CPNE9: variants seen among roughly 807,000 people sequenced by gnomAD.
CPNE9 encodes copine-9.
Under a neutral mutation model 83.0 loss-of-function variants are expected in CPNE9, and 59 were observed. The observed-to-expected ratio is 0.71, with a 90% CI of 0.58 to 0.88. The LOEUF (loss-of-function observed/expected upper bound fraction) is 0.88, where lower values mean the gene tolerates loss of function less well. CPNE9 is among the 40% of genes least tolerant of loss of function. CPNE9 has a pLI of 0.00. For synonymous variants in CPNE9, 256 were observed against 273.4 expected (o/e 0.94, Z 0.63); for missense variants, 619 against 720.8 (o/e 0.86, Z 1.62).
At chr3:9,710,793 G>C (rs2076619281) in intron 7 of CPNE9, among the ~76,000 whole-genome samples, 1 of 152,212 alleles carries the variant, frequency 6.6e-6, no homozygotes, top group African/African-American at 2.4e-5. Context: ...GGGAGGCTGA[G>C]GCAGGAGGAT....
intron 11 of CPNE9, 58 bp downstream of exon 11, chr3:9,715,013 T>C: frequency 6.7e-7 from 1 of 1,497,118 alleles, no homozygotes; most frequent in Non-Finnish European, 9.2e-7. Flanking sequence ...TTCTCAATAA[T>C]ATGTTGTACA....
At chr3:9,727,944 G>C (rs953301128) in intron 20 of CPNE9, among the ~76,000 whole-genome samples, 3 of 152,144 alleles carry the variant, frequency 2.0e-5, no homozygotes, top group Non-Finnish European at 2.9e-5. Flanking sequence ...TATTTAAGAA[G>C]AAAATTTTAC....
At chr3:9,720,365 G>A (rs895472527) in intron 17 of CPNE9, among the ~76,000 whole-genome samples, 2 of 151,912 alleles carry the variant, frequency 1.3e-5, no homozygotes, top group Non-Finnish European at 2.9e-5. Context: ...CCCTAGCGAA[G>A]ATTTGTTTTT....
At chr3:9,719,187 G>A (rs1023064591) in intron 17 of CPNE9, among the ~76,000 whole-genome samples, 5 of 152,012 alleles carry the variant, frequency 3.3e-5, no homozygotes, top group Non-Finnish European at 7.4e-5. Flanking sequence ...TATACAGGAC[G>A]ATGTGTATAG....
chr3:9,714,083 T>TAAAC (rs1055505045), intron 10 of CPNE9, among the ~76,000 whole-genome samples: 2 of 151,282 alleles, frequency 1.3e-5, no homozygotes, highest in African/African-American at 4.9e-5. Flanking sequence ...AATAAATAAA[T>TAAAC]AAATAAATAA....
At chr3:9,706,089 G>C (rs1352387638) in intron 7 of CPNE9, 26 bp downstream of exon 7, 1 of 1,609,156 alleles carries the variant, frequency 6.2e-7, no homozygotes, top group Admixed American at 1.7e-5. Flanking sequence ...AGGGGTGTGG[G>C]AGTGGGGTGG....
At chr3:9,705,417 T>TCAACC in intron 4 of CPNE9, 47 bp from the exon 5 acceptor site, 4 of 570,186 alleles carry the variant, frequency 7.0e-6, no homozygotes, top group Non-Finnish European at 9.8e-6. Context: ...CTTTCCACCC[T>TCAACC]CTCCCCCACC....
chr3:9,714,624 T>A (rs1312109660), intron 10 of CPNE9, among the ~76,000 whole-genome samples: 3 of 67,212 alleles, frequency 4.5e-5, no homozygotes, highest in Non-Finnish European at 7.0e-5. Flanking sequence ...TGGAATACAA[T>A]AAGGCTCAAA....
chr3:9,718,640 A>G, intron 17 of CPNE9, 38 bp downstream of exon 17: 2 of 1,605,306 alleles, frequency 1.2e-6, no homozygotes, highest in Non-Finnish European at 8.5e-7. Context: ...AAATGAGGGG[A>G]CCCACATAAG....
chr3:9,714,383 G>C (rs1559640004), intron 10 of CPNE9, among the ~76,000 whole-genome samples: 1 of 152,124 alleles, frequency 6.6e-6, no homozygotes, highest in African/African-American at 2.4e-5. Context: ...CTGATAGGTA[G>C]ACATATGGAA....
rs550679285 is a variant in CPNE9, at chr3:9,704,607, C to T, written c.89C>T (p.Thr30Ile). 2.5e-6 allele frequency: 4 copies of T among 1,614,046 alleles called. No individual in the cohort carries two copies. In the African/African-American group the frequency reaches 4.0e-5, roughly 16 times the overall value. Reference protein sequence around the residue: ...VSCRNLLDLDTFSKSDPMVVL... With the variant: ...VSCRNLLDLDIFSKSDPMVVL... ...TCTAGGAACCTGCTAGACCTTGATA[C>T]CTTCTCCAAGTCCGACCCCAGTAGG... The change falls in exon 2 of 21, where the codon ACC becomes ATC. Residue 30 changes from threonine to isoleucine, a missense_variant. Coordinates refer to ENST00000383832, the MANE Select transcript of CPNE9 (RefSeq NM_153635.3). This position sits in a 1 kb window ranked among gnomAD's most constrained non-coding sequence, Gnocchi z 7.1.
At position 9,706,182 on chromosome 3, in the gene CPNE9, C is replaced by T. The variant is rs192678104; in HGVS notation, c.377+119C>T. 2.9e-3 allele frequency: 2,499 copies of T among 848,608 alleles called. 33 individuals carry two copies. The African/African-American group carries it at 0.037, about 13-fold the overall frequency. 52.6% of individuals were successfully genotyped at this position (848,608 alleles called of 1,614,324 possible). A position where few individuals can be genotyped will look rare whatever the true frequency, so the allele number is the denominator to read the frequency against. On this transcript the variant is annotated intron_variant, in intron 7 of 20. Transcript: ENST00000383832. ...GTTGCCCCTGGTCAGGAGCCTGCCC[C>T]GGCTCCCATCACCCTCGTAGAAAAG...
At chr3:9,728,483 T>C (rs966786864) in intron 20 of CPNE9, among the ~76,000 whole-genome samples, 1 of 151,528 alleles carries the variant, frequency 6.6e-6, no homozygotes, top group Non-Finnish European at 1.5e-5. Flanking sequence ...ATTAGCCGGG[T>C]GTGGTGGTGC....
In CPNE9 at chr3:9,718,987, C is replaced by T. The variant is rs543844590; in HGVS notation, c.1241+385C>T. ...AAATAGCAGGGATTACTGGCGCATG[C>T]CACCACACTTGGCTCGTTTTTGTGT... On this transcript the variant is annotated intron_variant, in intron 17 of 20. Transcript: ENST00000383832. 9.9e-5 allele frequency among the ~76,000 whole-genome samples: 15 copies of T among 151,944 alleles called. No individual in the cohort carries two copies. In the East Asian group the frequency reaches 2.9e-3, roughly 30 times the overall value.
rs200458172 is a variant in CPNE9 at position 9,704,658 on chromosome 3, T to C, written c.109+31T>C. 1,839 of 1,613,270 alleles carry C rather than the reference T, an allele frequency of 1.1e-3. 6 individuals are homozygous for C. The highest frequency in any genetic ancestry group is 1.2e-3 in the Non-Finnish European group (1,380 of 1,179,278). ...CGGCTCCAGGACCGGGAGGGGGAACTTGGGGTCTGGGCGCGACTCAGGGGC... is the reference window on the plus strand; with the variant it reads ...CGGCTCCAGGACCGGGAGGGGGAACCTGGGGTCTGGGCGCGACTCAGGGGC... On this transcript the variant is annotated intron_variant, in intron 2 of 20. Coordinates refer to ENST00000383832, the MANE Select transcript of CPNE9 (RefSeq NM_153635.3). This position sits in a 1 kb window ranked among gnomAD's most constrained non-coding sequence, Gnocchi z 7.1.
At chr3:9,727,406 GC>G (rs1443063118) in intron 20 of CPNE9, 2 of 717,138 alleles carry the variant, frequency 2.8e-6, no homozygotes, top group South Asian at 3.0e-5. Context: ...CAAGGCCCCT[GC>G]CCTCTAGTGG....
chr3:9,714,201 A>G (rs2076656570), intron 10 of CPNE9, among the ~76,000 whole-genome samples: 1 of 152,246 alleles, frequency 6.6e-6, no homozygotes, highest in Non-Finnish European at 1.5e-5. Context: ...TAGATGTTAT[A>G]TAGTTGGTAG....
chr3:9,706,696 G>A (rs34694813), intron 7 of CPNE9, among the ~76,000 whole-genome samples: 357 of 152,276 alleles, frequency 2.3e-3, no homozygotes, highest in South Asian at 4.4e-3. Context: ...CAGAATCAAC[G>A]GAACTGGAAA....
intron 10 of CPNE9, among the ~76,000 whole-genome samples, chr3:9,713,839 A>G (rs1413902165): frequency 1.3e-5 from 2 of 152,154 alleles, no homozygotes; most frequent in Admixed American, 6.5e-5. Flanking sequence ...TGGGAGGCCG[A>G]GACGGGCAGA....
Sources: allele counts gnomAD v4.1 joint callset (sites outside exome capture counted in the v4.1 genomes callset), GRCh38; gene constraint gnomAD v4.1.1; non-coding constraint Gnocchi (gnomAD v3.1); transcripts MANE v1.5; gene names NCBI Gene and HGNC (gene_info 2026-07-23, HGNC 2026-07-21).